C2CD3: variants seen among roughly 807,000 people sequenced by gnomAD.
C2CD3 encodes the protein C2 domain containing 3 centriole elongation regulator, also known as C2 domain-containing protein 3.
C2CD3 carries 148 observed loss-of-function variants against 234.0 expected under a neutral mutation model. The ratio of observed to expected loss-of-function variants is 0.63; its 90% confidence interval spans 0.55 to 0.72. The LOEUF (loss-of-function observed/expected upper bound fraction) is 0.72, where lower values mean the gene tolerates loss of function less well. C2CD3 is among the 30% of genes least tolerant of loss of function. The pLI, the probability that C2CD3 is intolerant of heterozygous loss-of-function variation, is 0.00. For missense variants in C2CD3, 2,577 were observed against 2,811.5 expected, an observed-to-expected ratio of 0.92 and a Z score of 1.89; for synonymous variants, 1,000 against 1,035.4, an observed-to-expected ratio of 0.97 and a Z score of 0.66.
intron 31 of C2CD3, among the ~76,000 whole-genome samples, chr11:74,032,364 G>A (rs567777288): frequency 4.6e-5 from 7 of 152,224 alleles, no homozygotes; most frequent in East Asian, 1.9e-4. Context: ...GGGATAGCAG[G>A]TGAGCTGATC....
intron 3 of C2CD3, among the ~76,000 whole-genome samples, chr11:74,157,503 A>G (rs1856113745): frequency 6.6e-6 from 1 of 152,222 alleles, no homozygotes. Context: ...TGAGAATAGG[A>G]TAAAAACAAT....
intron 32 of C2CD3, among the ~76,000 whole-genome samples, chr11:74,017,414 A>G (rs1318123875): frequency 6.6e-6 from 1 of 152,242 alleles, no homozygotes; most frequent in African/African-American, 2.4e-5. Context: ...CACCCAGGTC[A>G]TGAACATGAT....
Position 74,037,691 on chromosome 11 carries a change from G to T in C2CD3, c.5668C>A (p.Leu1890Met), listed in dbSNP as rs773884195. ...TSILTSLRKNLSELDQIQRYF... is the reference protein window; with the variant it reads ...TSILTSLRKNMSELDQIQRYF... ...CTCTGAATCTGATCAAGCTCACTCAGATTCTTCCTATAAACAAAAGGGGGA... is the reference window on the plus strand; with the variant it reads ...CTCTGAATCTGATCAAGCTCACTCATATTCTTCCTATAAACAAAAGGGGGA... Residue 1890 changes from leucine to methionine, a missense_variant, in exon 30 of 33, where the codon CTG becomes ATG. By Grantham distance (15) the Leu-to-Met change is conservative. Coordinates refer to ENST00000334126, the MANE Select transcript of C2CD3 (RefSeq NM_001286577.2). 10 of 1,612,628 alleles carry T rather than the reference G, an allele frequency of 6.2e-6. No homozygotes were observed. The South Asian group carries it at 1.1e-4, about 18-fold the overall frequency.
At chr11:74,079,403 T>G (rs1381485825) in intron 22 of C2CD3, among the ~76,000 whole-genome samples, 1 of 152,072 alleles carries the variant, frequency 6.6e-6, no homozygotes, top group African/African-American at 2.4e-5. Flanking sequence ...TGTTTGTTTT[T>G]TTTTGTAGAG....
At position 74,170,404 on chromosome 11, in the gene C2CD3, T is replaced by C. The variant is rs573826437; in HGVS notation, c.55+334A>G. The stretch of plus-strand genomic sequence containing the variant: ...TAATCCCTTTGCCAATTTATGTTTC[T>C]TCCTGTCCCTGTGGACCTCGAAAGC... On this transcript the variant is annotated intron_variant, in intron 1 of 32. Transcript: ENST00000334126. Among the ~76,000 whole-genome samples, 9 of 152,354 alleles carry C rather than the reference T, an allele frequency of 5.9e-5. No individual in the cohort carries two copies. The South Asian group carries it at 1.0e-3, about 18-fold the overall frequency.
chr11:74,129,395 C>G (rs1356762968), intron 7 of C2CD3: 1 of 175,416 alleles, frequency 5.7e-6, no homozygotes, highest in Non-Finnish European at 1.2e-5. Flanking sequence ...ACCTCCCAGA[C>G]GGGGTCGCGG....
intron 8 of C2CD3, among the ~76,000 whole-genome samples, chr11:74,120,945 C>G (rs1287197327): frequency 1.3e-5 from 2 of 151,492 alleles, no homozygotes; most frequent in Non-Finnish European, 2.9e-5. Context: ...ATTGCTTGAG[C>G]CAGGAGTTTG....
intron 2 of C2CD3, among the ~76,000 whole-genome samples, chr11:74,166,487 G>T (rs1324825827): frequency 6.6e-6 from 1 of 152,042 alleles, no homozygotes; most frequent in Non-Finnish European, 1.5e-5. Flanking sequence ...TCAATTTACT[G>T]GTGGGAAAAT....
intron 32 of C2CD3, among the ~76,000 whole-genome samples, chr11:74,023,664 T>G (rs1258745064): frequency 6.6e-6 from 1 of 151,694 alleles, no homozygotes; most frequent in Non-Finnish European, 1.5e-5. Flanking sequence ...CCCCCTCTCC[T>G]TTTTCTCTCC....
intron 8 of C2CD3, among the ~76,000 whole-genome samples, chr11:74,119,139 G>C (rs1476788913): frequency 6.6e-6 from 1 of 151,938 alleles, no homozygotes; most frequent in Non-Finnish European, 1.5e-5. Flanking sequence ...TAAACTCCTG[G>C]GCTCAAGTGA....
intron 24 of C2CD3, among the ~76,000 whole-genome samples, chr11:74,059,276 T>A (rs923269148): frequency 1.6e-4 from 24 of 151,380 alleles, no homozygotes; most frequent in Non-Finnish European, 2.8e-4. Flanking sequence ...CCAGGCGTGG[T>A]GGTGGCTGCC....
intron 24 of C2CD3, among the ~76,000 whole-genome samples, chr11:74,061,988 AAC>A (rs1243004070): frequency 6.6e-6 from 1 of 152,190 alleles, no homozygotes; most frequent in Non-Finnish European, 1.5e-5. Flanking sequence ...TCTCTGATAA[AAC>A]AGACTTTAAA....
Position 74,103,615 on chromosome 11 carries a change from T to A in C2CD3, c.2096A>T (p.Glu699Val). 1 of 1,608,810 alleles carries A rather than the reference T, an allele frequency of 6.2e-7. No homozygotes were observed. The highest frequency in any genetic ancestry group is 8.5e-7 in the Non-Finnish European group (1 of 1,177,884). The change falls in exon 14 of 33, where the codon GAG (glutamate) becomes GTG (valine). Residue 699 changes from glutamate (E) to valine (V), a missense_variant. Glu to Val is a moderately radical substitution (Grantham distance 121). Transcript: ENST00000334126. ...SPFGPLKVTM[E>V]LITDNKDFTG... ...GAAATCTTTGTTATCTGTAATAAGC[T>A]CCATGGTTACCTGTAAAACACAAAA...
chr11:74,069,750 C>T (rs116003462), intron 24 of C2CD3, among the ~76,000 whole-genome samples: 161 of 152,264 alleles, frequency 1.1e-3, no homozygotes, highest in African/African-American at 3.6e-3. Flanking sequence ...AAGAGAAGTG[C>T]TCTCCCTTTG....
chr11:74,018,610 T>C (rs920282867), intron 32 of C2CD3, among the ~76,000 whole-genome samples: 2 of 152,170 alleles, frequency 1.3e-5, no homozygotes, highest in African/African-American at 2.4e-5. Context: ...CTGCCTGCCT[T>C]GCTCAACTTT....
intron 25 of C2CD3, among the ~76,000 whole-genome samples, chr11:74,055,785 C>G (rs1403437560): frequency 6.6e-6 from 1 of 152,216 alleles, no homozygotes; most frequent in Non-Finnish European, 1.5e-5. Flanking sequence ...TGCCATTATT[C>G]ATTTTTCTTC....
intron 15 of C2CD3, 117 bp downstream of exon 15, chr11:74,100,408 A>G (rs1956268756): frequency 1.1e-6 from 1 of 945,004 alleles, no homozygotes; most frequent in Non-Finnish European, 1.6e-6. Flanking sequence ...TTGAAACTGG[A>G]AAAAGTCCTT....
At chr11:74,170,664 T>G (rs1259164352) in intron 1 of C2CD3, 74 bp downstream of exon 1, 1 of 1,528,712 alleles carries the variant, frequency 6.5e-7, no homozygotes, top group Non-Finnish European at 9.1e-7. Context: ...CCAGCGGGGG[T>G]GCGGGTCTCC....
rs531777922 is a variant in C2CD3 at position 74,135,920 on chromosome 11, G to C, written c.956-2363C>G. 2.0e-5 allele frequency among the ~76,000 whole-genome samples: 3 copies of C among 152,100 alleles called. No individual in the cohort carries two copies. The South Asian group carries it at 6.2e-4, about 32-fold the overall frequency. ...CTTATAAATGGGAGCTAAAAACTGG[G>C]TACTCAGGGATATAAAGATGGTAAC... On this transcript the variant is annotated intron_variant, in intron 5 of 32. Coordinates refer to ENST00000334126, the MANE Select transcript of C2CD3 (RefSeq NM_001286577.2).
Sources: allele counts gnomAD v4.1 joint callset (sites outside exome capture counted in the v4.1 genomes callset), GRCh38; gene constraint gnomAD v4.1.1; transcripts MANE v1.5; gene names NCBI Gene and HGNC (gene_info 2026-07-23, HGNC 2026-07-21).